DENND4A: variants seen among roughly 807,000 people sequenced by gnomAD.
DENND4A encodes the protein C-myc promoter-binding protein.
In DENND4A, 70 loss-of-function variants were observed where a neutral mutation model predicts 199.3. The ratio of observed to expected loss-of-function variants is 0.35; its 90% CI spans 0.29 to 0.43. The LOEUF (loss-of-function observed/expected upper bound fraction) is 0.43, where lower values mean the gene tolerates loss of function less well. DENND4A is among the 20% of genes least tolerant of loss of function. DENND4A has a pLI of 1.00. For synonymous variants in DENND4A, 686 were observed against 766.9 expected (o/e 0.89, Z 1.74); for missense variants, 1,723 against 2,255.8 (o/e 0.76, Z 4.78).
chr15:65,725,692 A>AAAT (rs146054571), intron 11 of DENND4A, among the ~76,000 whole-genome samples: 27,637 of 147,154 alleles, frequency 0.19, 3,773 homozygotes, highest in East Asian at 0.73. Flanking sequence ...ATAAAAATAA[A>AAAT]AAAAATAAAA....
intron 32 of DENND4A, among the ~76,000 whole-genome samples, chr15:65,662,588 T>C (rs2075884675): frequency 6.6e-6 from 1 of 152,144 alleles, no homozygotes; most frequent in East Asian, 1.9e-4. Context: ...AGTCCACATG[T>C]GACAAAAAGG....
intron 7 of DENND4A, among the ~76,000 whole-genome samples, chr15:65,735,920 A>C (rs2076102113): frequency 6.6e-6 from 1 of 152,130 alleles, no homozygotes; most frequent in Non-Finnish European, 1.5e-5. Flanking sequence ...GGCAAAACCC[A>C]ATCTCTACCA....
chr15:65,700,365 TAAAG>T (rs1018959243), intron 20 of DENND4A, among the ~76,000 whole-genome samples, 175 bp downstream of exon 20: 15 of 151,936 alleles, frequency 9.9e-5, no homozygotes, highest in African/African-American at 2.4e-4. Flanking sequence ...TCTATTCAAA[TAAAG>T]AATGAATAAA....
intron 24 of DENND4A, among the ~76,000 whole-genome samples, chr15:65,674,732 T>C (rs2076321196): frequency 6.7e-6 from 1 of 148,642 alleles, no homozygotes; most frequent in Non-Finnish European, 1.5e-5. Flanking sequence ...AGACCCTATC[T>C]TAAAAAAAAA....
chr15:65,728,585 G>T (rs541718001), intron 11 of DENND4A, among the ~76,000 whole-genome samples: 1 of 151,680 alleles, frequency 6.6e-6, no homozygotes, highest in Non-Finnish European at 1.5e-5. Flanking sequence ...CCGGGTTGAA[G>T]CAATTCTCCT....
chr15:65,709,719 A>AAAAAAAATATAT (rs1218030026), intron 14 of DENND4A, among the ~76,000 whole-genome samples: 5 of 51,466 alleles, frequency 9.7e-5, no homozygotes, highest in Non-Finnish European at 1.3e-4. Flanking sequence ...AAAAAAAAAA[A>AAAAAAAATATAT]ATATATATAT....
intron 23 of DENND4A, among the ~76,000 whole-genome samples, chr15:65,681,492 A>C (rs553955730): frequency 2.0e-4 from 31 of 152,348 alleles, no homozygotes; most frequent in Non-Finnish European, 4.1e-4. Context: ...CATGGGCTGC[A>C]GAATGAATAC....
chr15:65,694,396 C>A (rs1255020846), intron 22 of DENND4A, among the ~76,000 whole-genome samples: 8 of 151,860 alleles, frequency 5.3e-5, no homozygotes, highest in African/African-American at 1.7e-4. Context: ...TTGCAGTGAG[C>A]CAAGATCGTG....
At chr15:65,720,943 TTGATTATATATATATATATATATA>T (rs2075603433) in intron 12 of DENND4A, among the ~76,000 whole-genome samples, 1 of 57,400 alleles carries the variant, frequency 1.7e-5, no homozygotes, top group Admixed American at 2.1e-4. Flanking sequence ...GGCTGTTTCA[TTGATTATATATATATATATATATA>T]TATATATATA....
chr15:65,684,497 C>T (rs904428962), intron 23 of DENND4A, among the ~76,000 whole-genome samples: 1 of 152,140 alleles, frequency 6.6e-6, no homozygotes, highest in African/African-American at 2.4e-5. Context: ...ATGTGCTTTT[C>T]GTCCATTAAT....
chr15:65,662,141 A>G (rs2075863315), intron 32 of DENND4A, among the ~76,000 whole-genome samples, 154 bp from the exon 33 acceptor site: 1 of 152,268 alleles, frequency 6.6e-6, no homozygotes, highest in African/African-American at 2.4e-5. Flanking sequence ...GCTGGATTGC[A>G]CAGACCAGTG....
intron 14 of DENND4A, among the ~76,000 whole-genome samples, chr15:65,709,595 AAGGCAGG>A (rs1386577423): frequency 1.3e-5 from 2 of 149,400 alleles, no homozygotes; most frequent in East Asian, 4.1e-4. Context: ...TCGGGAAGCT[AAGGCAGG>A]AGAACTGCTT....
intron 4 of DENND4A, among the ~76,000 whole-genome samples, chr15:65,744,381 C>T (rs996048041): frequency 3.3e-5 from 5 of 152,060 alleles, no homozygotes; most frequent in East Asian, 1.9e-4. Flanking sequence ...CTAAGGTAAG[C>T]GGTCTGAAAT....
At chr15:65,727,852 A>G (rs1177923115) in intron 11 of DENND4A, 18 of 400,354 alleles carry the variant, frequency 4.5e-5, no homozygotes, top group Non-Finnish European at 8.7e-5. Flanking sequence ...AATAGTTCCG[A>G]TAGCTATAAC....
Position 65,661,010 on chromosome 15 carries a change from G to A in DENND4A, c.*841C>T, listed in dbSNP as rs746011371. On this transcript the variant is annotated 3_prime_UTR_variant, in exon 33 of 33. Transcript: ENST00000443035. ...TTTAAATTGATATTTGGATTTATAAGCTGTTTTCCCTGTATACTATACGTA... is the reference window on the plus strand; with the variant it reads ...TTTAAATTGATATTTGGATTTATAAACTGTTTTCCCTGTATACTATACGTA... 6 of 152,116 alleles carry A rather than the reference G, an allele frequency of 3.9e-5. No homozygotes were observed. In the South Asian group the frequency reaches 1.2e-3, roughly 32 times the overall value. The allele number at this position is 152,116 out of a possible 1,614,324, so 9.4% of individuals were successfully genotyped here.
rs750773498 is a variant in DENND4A at position 65,702,296 on chromosome 15, A to T, written c.2430+9T>A. ...AAAAATAAAATAACAACAATAAAAT[A>T]ATTGTTACCTCATCAGGTGGATCCA... is the stretch of plus-strand genomic sequence containing the variant. On this transcript the variant is annotated intron_variant, in intron 17 of 32. Coordinates refer to ENST00000443035, the MANE Select transcript of DENND4A (RefSeq NM_001320835.1). 8 of 1,542,880 alleles carry T rather than the reference A, an allele frequency of 5.2e-6. No individual in the cohort carries two copies. Among genetic ancestry groups the T allele is most frequent in the African/African-American group, 1.4e-5 (1 of 72,800 alleles).
At chr15:65,714,010 T>G (rs983055548) in intron 14 of DENND4A, among the ~76,000 whole-genome samples, 2 of 152,194 alleles carry the variant, frequency 1.3e-5, no homozygotes, top group Non-Finnish European at 2.9e-5. Flanking sequence ...TATCTATCAT[T>G]GAAAACCAAT....
chr15:65,772,057 G>C, intron 1 of DENND4A: 1 of 1,282,402 alleles, frequency 7.8e-7, no homozygotes, highest in Non-Finnish European at 1.1e-6. Context: ...TGCAGGAAAC[G>C]CTGGGCCTTC....
At chr15:65,671,933 A>G (rs752080220) in intron 24 of DENND4A, 47 bp from the exon 25 acceptor site, 4 of 1,120,384 alleles carry the variant, frequency 3.6e-6, no homozygotes, top group Non-Finnish European at 5.5e-6. Context: ...AAAATTAATG[A>G]GAAAGGATAT....
Sources: gnomAD v4.1 joint callset for allele counts (sites outside exome capture counted in the v4.1 genomes callset) on GRCh38, gnomAD v4.1.1 for gene constraint, MANE v1.5 for transcripts, NCBI Gene and HGNC (gene_info 2026-07-23, HGNC 2026-07-21) for gene names.